Variants in ANOS1 observed in about 807,000 individuals in gnomAD.
ANOS1 encodes anosmin 1, also known as anosmin-1.
A neutral mutation model predicts 59.0 loss-of-function variants in ANOS1; 6 were observed. That is an observed-to-expected ratio of 0.10 (90% CI 0.06 to 0.20). The LOEUF (loss-of-function observed/expected upper bound fraction) is 0.20. ANOS1 is among the 10% of genes least tolerant of loss of function. The pLI, the probability that ANOS1 is intolerant of heterozygous loss-of-function variation, is 1.00. For synonymous variants in ANOS1, 217 were observed against 223.4 expected (o/e 0.97, Z 0.25); for missense variants, 433 against 542.3 (o/e 0.80, Z 2.00).
chrX:8,729,658 T>G (rs1359833933), intron 1 of ANOS1, among the ~76,000 whole-genome samples: 2 of 93,179 alleles, frequency 2.1e-5, no homozygotes, highest in Non-Finnish European at 4.1e-5. Flanking sequence ...CCTCCCAAAG[T>G]GCAGGGATTA....
In ANOS1 at chrX:8,530,738, T is replaced by C. The variant is rs1001788317; in HGVS notation, c.*2257A>G. 9.1e-6 allele frequency: 1 copy of C among 110,402 alleles called. No homozygotes were observed. The highest frequency in any genetic ancestry group is 3.3e-5 in the African/African-American group (1 of 30,607). The allele number at this position is 110,402 out of a possible 1,213,427, so 9.1% of individuals were successfully genotyped here. On this transcript the variant is annotated 3_prime_UTR_variant, in exon 14 of 14. Coordinates refer to ENST00000262648, the MANE Select transcript of ANOS1 (RefSeq NM_000216.4). Reference sequence around the variant, plus strand: ...TTAAATTTATGTAATAATTTAATAATATTTTGTATCTATGCAGAGACTCCC... The same window carrying C: ...TTAAATTTATGTAATAATTTAATAACATTTTGTATCTATGCAGAGACTCCC...
chrX:8,725,984 C>G (rs1430080756), intron 1 of ANOS1, among the ~76,000 whole-genome samples: 1 of 110,039 alleles, frequency 9.1e-6, no homozygotes, highest in African/African-American at 3.3e-5. Context: ...ATAACTCAGA[C>G]CAGGAAACAC....
intron 3 of ANOS1, among the ~76,000 whole-genome samples, chrX:8,597,737 T>C (rs1930769864): frequency 1.1e-5 from 1 of 88,112 alleles, no homozygotes; most frequent in South Asian, 7.7e-4. Context: ...AGTGGTGCAA[T>C]CACAGTTCAC....
rs866628172 is a variant in ANOS1 at position 8,655,381 on chromosome X, G to A, written c.256-31711C>T. ...TGTTGCCACTGATCTGACAGGAGGC[G>A]GAGCTCAGGTGGTGATGTGAGCCAT... On this transcript the variant is annotated intron_variant, in intron 2 of 13. Transcript: ENST00000262648. 1.3e-4 allele frequency among the ~76,000 whole-genome samples: 14 copies of A among 111,494 alleles called. No individual in the cohort carries two copies. The South Asian group carries it at 2.7e-3, about 21-fold the overall frequency.
intron 6 of ANOS1, among the ~76,000 whole-genome samples, chrX:8,577,267 T>A (rs751507349): frequency 8.9e-6 from 1 of 112,077 alleles, no homozygotes; most frequent in South Asian, 3.8e-4. Flanking sequence ...AAATTGAGGA[T>A]CACAGTTTGA....
intron 2 of ANOS1, among the ~76,000 whole-genome samples, chrX:8,668,418 TATATATATATATAC>T (rs1306169834): frequency 1.3e-5 from 1 of 75,101 alleles, no homozygotes; most frequent in African/African-American, 5.5e-5. Flanking sequence ...TATATATATA[TATATATATATATAC>T]ACACACATAC....
At chrX:8,572,732 C>G (rs1331646269) in intron 6 of ANOS1, among the ~76,000 whole-genome samples, 1 of 111,889 alleles carries the variant, frequency 8.9e-6, no homozygotes, top group Non-Finnish European at 1.9e-5. Flanking sequence ...ATGTCCAAGA[C>G]TTATACTGGG....
chrX:8,674,678 C>T (rs1000490607), intron 2 of ANOS1, among the ~76,000 whole-genome samples: 1 of 112,562 alleles, frequency 8.9e-6, no homozygotes, highest in African/African-American at 3.2e-5. Flanking sequence ...CCGTCCTGGG[C>T]CTCATGCGGC....
intron 2 of ANOS1, among the ~76,000 whole-genome samples, chrX:8,695,699 GA>G (rs774226890): frequency 0.02 from 1,029 of 51,749 alleles, 3 homozygotes; most frequent in East Asian, 0.04. Context: ...TATAAGGGTG[GA>G]AAAAAAAAAA....
intron 2 of ANOS1, among the ~76,000 whole-genome samples, chrX:8,681,726 T>C (rs1465893359): frequency 8.9e-6 from 1 of 111,940 alleles, no homozygotes; most frequent in African/African-American, 3.3e-5. Context: ...TTTTGCATAA[T>C]AATCAAGGAA....
chrX:8,633,272 C>T (rs994718089), intron 2 of ANOS1, among the ~76,000 whole-genome samples: 1 of 111,648 alleles, frequency 9.0e-6, no homozygotes, highest in African/African-American at 3.3e-5. Context: ...TCAGGAAACA[C>T]GGGCCTCATT....
At position 8,666,623 on chromosome X, in the gene ANOS1, A is replaced by G. The variant is rs185523126; in HGVS notation, c.255+33075T>C. On this transcript the variant is annotated intron_variant, in intron 2 of 13. Coordinates refer to ENST00000262648, the MANE Select transcript of ANOS1 (RefSeq NM_000216.4). ...GAAAAAGCTAAATTGATATATCCCC[A>G]AAGTCATGAAATGGTATCTCAGACA... Among the ~76,000 whole-genome samples the G allele has an allele frequency of 2.5e-3, 282 of 112,098 alleles. 2 individuals carry two copies. The highest frequency in any genetic ancestry group is 8.6e-3 in the African/African-American group (265 of 30,876).
chrX:8,625,882 G>A (rs1297176290), intron 2 of ANOS1, among the ~76,000 whole-genome samples: 6 of 110,158 alleles, frequency 5.4e-5, no homozygotes, highest in Admixed American at 9.8e-5. Context: ...GGAGGCCGAG[G>A]CGGGCAGATC....
intron 8 of ANOS1, among the ~76,000 whole-genome samples, chrX:8,560,934 T>C (rs1930021689): frequency 8.9e-6 from 1 of 112,763 alleles, no homozygotes; most frequent in South Asian, 3.6e-4. Flanking sequence ...AATAGCCCTC[T>C]GAGAGATAAA....
At chrX:8,618,971 G>C (rs1301274157) in intron 3 of ANOS1, among the ~76,000 whole-genome samples, 1 of 105,274 alleles carries the variant, frequency 9.5e-6, no homozygotes, top group East Asian at 3.0e-4. Context: ...TACTCAAGAG[G>C]CTGAGGCAGG....
chrX:8,569,472 C>T (rs888395252), intron 7 of ANOS1, among the ~76,000 whole-genome samples: 1 of 111,525 alleles, frequency 9.0e-6, no homozygotes, highest in Non-Finnish European at 1.9e-5. Flanking sequence ...GAAACCCTGT[C>T]TCTACTAAAA....
At chrX:8,589,402 G>A (rs1402981069) in intron 4 of ANOS1, among the ~76,000 whole-genome samples, 1 of 111,667 alleles carries the variant, frequency 9.0e-6, no homozygotes, top group African/African-American at 3.3e-5. Flanking sequence ...TGTTGAATAG[G>A]AGATAACTGA....
chrX:8,635,004 T>C (rs1474177464), intron 2 of ANOS1, among the ~76,000 whole-genome samples: 3 of 111,582 alleles, frequency 2.7e-5, no homozygotes, highest in East Asian at 5.7e-4. Flanking sequence ...ACTGGTGGTT[T>C]AACCACAGCC....
At chrX:8,668,428 T>C (rs187623511) in intron 2 of ANOS1, among the ~76,000 whole-genome samples, 31,745 of 83,416 alleles carry the variant, frequency 0.38, 5,103 homozygotes, top group East Asian at 0.61. Context: ...TATATATATA[T>C]ATACACACAC....
Sources: allele counts gnomAD v4.1 joint callset (sites outside exome capture counted in the v4.1 genomes callset), GRCh38; gene constraint gnomAD v4.1.1; transcripts MANE v1.5; gene names NCBI Gene and HGNC (gene_info 2026-07-23, HGNC 2026-07-21).